C10orf90: variants seen among roughly 807,000 people sequenced by gnomAD.
The protein encoded by C10orf90 is chromosome 10 open reading frame 90, also known as (E2-independent) E3 ubiquitin-conjugating enzyme FATS.
A neutral mutation model predicts 62.5 loss-of-function variants in C10orf90; 56 were observed. The observed-to-expected ratio is 0.90, with a 90% CI of 0.72 to 1.12. The LOEUF is 1.12. Ranked by LOEUF, C10orf90 falls within the 50% of genes most tolerant of loss-of-function variation. The pLI, the probability that C10orf90 is intolerant of heterozygous loss-of-function variation, is 0.00. For synonymous variants in C10orf90, 386 were observed against 340.4 expected (o/e 1.13, Z -1.47); for missense variants, 970 against 880.4 (o/e 1.10, Z -1.29).
chr10:126,599,845 T>C (rs1278898334), intron 2 of C10orf90, among the ~76,000 whole-genome samples: 1 of 152,228 alleles, frequency 6.6e-6, no homozygotes, highest in Admixed American at 6.5e-5. Flanking sequence ...ACTTTTTCCA[T>C]CCAGGAAAGC....
At chr10:126,469,018 A>C (rs529840239) in intron 4 of C10orf90, among the ~76,000 whole-genome samples, 2 of 152,340 alleles carry the variant, frequency 1.3e-5, no homozygotes, top group South Asian at 4.1e-4. Flanking sequence ...ACACAGTCTC[A>C]TAACTGTGGC....
intron 7 of C10orf90, among the ~76,000 whole-genome samples, chr10:126,438,751 TTGTGTGTG>T (rs5788786): frequency 3.3e-5 from 5 of 150,866 alleles, no homozygotes; most frequent in South Asian, 4.2e-4. Flanking sequence ...TGTATGTATG[TTGTGTGTG>T]TGTGTGTGTG....
chr10:126,635,386 C>A (rs553871287), intron 2 of C10orf90, among the ~76,000 whole-genome samples: 13 of 152,146 alleles, frequency 8.5e-5, no homozygotes, highest in Non-Finnish European at 1.9e-4. Context: ...GGCCAGGAAC[C>A]ATTCCACCCT....
intron 2 of C10orf90, among the ~76,000 whole-genome samples, chr10:126,515,359 G>A (rs529181525): frequency 1.8e-4 from 28 of 152,224 alleles, no homozygotes; most frequent in Middle Eastern, 6.8e-3. Flanking sequence ...CTTCCAGTCC[G>A]GCAAGCTCCA....
At chr10:126,478,323 A>G (rs1242753751) in intron 4 of C10orf90, among the ~76,000 whole-genome samples, 1 of 152,146 alleles carries the variant, frequency 6.6e-6, no homozygotes, top group Non-Finnish European at 1.5e-5. Context: ...TTCCTCATCT[A>G]CATCACAGGC....
At chr10:126,484,667 CAAAGCCTTA>C (rs111323118) in intron 4 of C10orf90, among the ~76,000 whole-genome samples, 7 of 152,224 alleles carry the variant, frequency 4.6e-5, no homozygotes, top group African/African-American at 1.7e-4. Flanking sequence ...ACATAGAATC[CAAAGCCTTA>C]AAAATGTTCA....
chr10:126,647,469 C>T lies in C10orf90; in HGVS notation c.241-832G>A, dbSNP rs181838221. On this transcript the variant is annotated intron_variant, in intron 1 of 9. Coordinates refer to ENST00000488181, the MANE Select transcript of C10orf90 (RefSeq NM_001350921.2). ...GTTCCCATTATCGGCCCCTTCTCAT[C>T]CCCTGCATCTGGGCAACCAGCTCTG... is the stretch of plus-strand genomic sequence containing the variant. Among the ~76,000 whole-genome samples, 33 of 152,358 alleles carry T rather than the reference C, an allele frequency of 2.2e-4. No individual in the cohort carries two copies. The East Asian group carries it at 6.2e-3, about 29-fold the overall frequency.
chr10:126,437,534 C>A (rs559969558), intron 7 of C10orf90, among the ~76,000 whole-genome samples: 1 of 152,150 alleles, frequency 6.6e-6, no homozygotes, highest in Non-Finnish European at 1.5e-5. Context: ...TAAATCCCTA[C>A]ATGGGTTTTG....
rs141711667 is a variant in C10orf90, at chr10:126,515,118, C to T, written c.314-1179G>A. On this transcript the variant is annotated intron_variant, in intron 2 of 9. Transcript: ENST00000488181. ...ATACAGTCACGCTCTGCATGACAACCTTTCGGTCAATGAAGGACTGCATAT... is the reference window on the plus strand; with the variant it reads ...ATACAGTCACGCTCTGCATGACAACTTTTCGGTCAATGAAGGACTGCATAT... 3.9e-3 allele frequency among the ~76,000 whole-genome samples: 591 copies of T among 152,346 alleles called. 4 individuals are homozygous for T. Among genetic ancestry groups the T allele is most frequent in the Non-Finnish European group, 5.7e-3 (387 of 68,036 alleles).
chr10:126,658,488 T>C (rs942996152), intron 1 of C10orf90, among the ~76,000 whole-genome samples: 5 of 152,258 alleles, frequency 3.3e-5, no homozygotes, highest in East Asian at 1.9e-4. Flanking sequence ...TATATGCGTC[T>C]ATAAGCTACA....
chr10:126,615,940 C>T (rs914975948), intron 2 of C10orf90, among the ~76,000 whole-genome samples: 2 of 152,350 alleles, frequency 1.3e-5, no homozygotes, highest in South Asian at 4.1e-4. Flanking sequence ...AGGCCACCAT[C>T]ACCTTCACTG....
chr10:126,579,531 G>A (rs185890947), intron 2 of C10orf90, among the ~76,000 whole-genome samples: 231 of 151,938 alleles, frequency 1.5e-3, no homozygotes, highest in Admixed American at 2.9e-3. Context: ...ATGAGCCACC[G>A]CACCCAGCCA....
At chr10:126,492,316 A>T (rs1861810024) in intron 4 of C10orf90, among the ~76,000 whole-genome samples, 1 of 152,178 alleles carries the variant, frequency 6.6e-6, no homozygotes, top group African/African-American at 2.4e-5. Flanking sequence ...TCCTTCAGTG[A>T]AAAGGACAGC....
intron 3 of C10orf90, among the ~76,000 whole-genome samples, chr10:126,512,438 G>T (rs1289039302): frequency 1.3e-5 from 2 of 151,038 alleles, no homozygotes; most frequent in East Asian, 3.9e-4. Context: ...GTGTTACAGG[G>T]ATCCAGCCAC....
At position 126,504,514 on chromosome 10, in the gene C10orf90, T is replaced by C. The variant is rs780148622; in HGVS notation, c.977A>G (p.Asp326Gly). 6.2e-7 allele frequency: 1 copy of C among 1,614,216 alleles called. No individual in the cohort carries two copies. The highest frequency in any genetic ancestry group is 8.5e-7 in the Non-Finnish European group (1 of 1,180,024). ...GTCTGGAGAAAAACTGGTCTCTTTG[T>C]CGTCTGCATGGGTGACCCAGTACTT... ...RRKYWVTHAD[D>G]KETSFSPDTP... Residue 326 changes from aspartate to glycine, a missense_variant, in exon 4 of 10, where the codon GAC (aspartate) becomes GGC (glycine). Physicochemically the swap from Asp to Gly is moderately conservative, Grantham distance 94 (BLOSUM62 -1). Transcript: ENST00000488181. The surrounding 1 kb of genome is among the most constrained non-coding windows in gnomAD (Gnocchi z 4.1).
chr10:126,644,568 G>A (rs1233920151), intron 2 of C10orf90, among the ~76,000 whole-genome samples: 1 of 152,168 alleles, frequency 6.6e-6, no homozygotes, highest in Non-Finnish European at 1.5e-5. Context: ...ACAAAGCCAA[G>A]AGCTCTGTCT....
intron 4 of C10orf90, among the ~76,000 whole-genome samples, chr10:126,478,038 G>A (rs1860981643): frequency 6.6e-6 from 1 of 152,196 alleles, no homozygotes; most frequent in Non-Finnish European, 1.5e-5. Flanking sequence ...TTGTGACATG[G>A]CATCGTTTGA....
In C10orf90 at chr10:126,513,956, A is replaced by G. The variant is rs527485167; in HGVS notation, c.314-17T>C. The G allele has an allele frequency of 5.8e-6, 9 of 1,550,652 alleles. No individual in the cohort carries two copies. The African/African-American group carries it at 9.5e-5, about 16-fold the overall frequency. On this transcript the variant is annotated splice_polypyrimidine_tract_variant and intron_variant, in intron 2 of 9. Transcript: ENST00000488181. ...CCCGTAATCCTAGGCAAAAGAAGAT[A>G]ATATTGCTACTTTTTAGTATATAAA...
chr10:126,457,691 C>T (rs1378485709), intron 7 of C10orf90, among the ~76,000 whole-genome samples: 1 of 152,176 alleles, frequency 6.6e-6, no homozygotes, highest in African/African-American at 2.4e-5. Context: ...CCCACACAGC[C>T]TGGGCACCAT....
Sources: allele counts gnomAD v4.1 joint callset (sites outside exome capture counted in the v4.1 genomes callset), GRCh38; gene constraint gnomAD v4.1.1; non-coding constraint Gnocchi (gnomAD v3.1); transcripts MANE v1.5; gene names NCBI Gene and HGNC (gene_info 2026-07-23, HGNC 2026-07-21).